The following CHD7 variants were observed in gnomAD, a reference collection of about 807,000 sequenced individuals.
CHD7 encodes the protein chromodomain helicase DNA binding protein 7.
In CHD7, 24 loss-of-function variants were observed where a neutral mutation model predicts 307.3. The observed-to-expected ratio is 0.08, with a 90% CI of 0.06 to 0.11. The LOEUF (loss-of-function observed/expected upper bound fraction) is 0.11. Ranked by LOEUF, CHD7 falls within the 10% of genes least tolerant of loss-of-function variation. CHD7 has a pLI of 1.00. For synonymous variants in CHD7, 1,363 were observed against 1,349.9 expected (o/e 1.01, Z -0.21); for missense variants, 3,106 against 3,727.1 (o/e 0.83, Z 4.34).
At chr8:60,694,244 A>G (rs1248935110) in intron 1 of CHD7, among the ~76,000 whole-genome samples, 3 of 152,242 alleles carry the variant, frequency 2.0e-5, no homozygotes, top group African/African-American at 7.2e-5. Flanking sequence ...ATAAATAAGA[A>G]CCATGAGCAG....
At chr8:60,825,726 T>G (rs1422477965) in intron 13 of CHD7, among the ~76,000 whole-genome samples, 1 of 152,204 alleles carries the variant, frequency 6.6e-6, no homozygotes, top group Admixed American at 6.5e-5. Context: ...CTGAGTTGTG[T>G]TCTATTATTA....
chr8:60,814,776 AAAT>A (rs965601541), intron 7 of CHD7, among the ~76,000 whole-genome samples: 1 of 152,266 alleles, frequency 6.6e-6, no homozygotes, highest in Non-Finnish European at 1.5e-5. Context: ...TGAAAGTAGA[AAAT>A]AAAATACTTG....
At position 60,800,509 on chromosome 8, in the gene CHD7, C is replaced by G; in HGVS notation, c.2360C>G (p.Ser787Cys). The change falls in exon 5 of 38, where the codon TCC (serine) becomes TGC (cysteine). Residue 787 changes from serine to cysteine, a missense_variant. This residue lies in a region of CHD7 where 998 missense variants were observed against 1,004.5 expected (regional missense o/e 0.99). Coordinates refer to ENST00000423902, the MANE Select transcript of CHD7 (RefSeq NM_017780.4). ...GGGAGGGATTCCCCCTCCAACACCT[C>G]CCAGTCAGAACAGCAGGTTAGTACC... Reference protein sequence around the residue: ...AAGRDSPSNTSQSEQQESVDA... With the variant: ...AAGRDSPSNTCQSEQQESVDA... 1 of 1,613,660 alleles carries G rather than the reference C, an allele frequency of 6.2e-7. No homozygotes were observed. The highest frequency in any genetic ancestry group is 8.5e-7 in the Non-Finnish European group (1 of 1,179,724).
intron 1 of CHD7, among the ~76,000 whole-genome samples, chr8:60,737,729 T>G (rs982008704): frequency 2.6e-5 from 4 of 152,246 alleles, no homozygotes; most frequent in African/African-American, 7.2e-5. Flanking sequence ...TAGGTACCGT[T>G]TGCTACATAT....
intron 3 of CHD7, among the ~76,000 whole-genome samples, chr8:60,783,015 CT>C (rs1056490233): frequency 2.6e-5 from 4 of 152,030 alleles, no homozygotes; most frequent in African/African-American, 9.6e-5. Context: ...TCTAAAGAAG[CT>C]TTTTGGAGCT....
At chr8:60,859,195 G>A (rs1288139206) in intron 34 of CHD7, among the ~76,000 whole-genome samples, 1 of 152,026 alleles carries the variant, frequency 6.6e-6, no homozygotes, top group African/African-American at 2.4e-5. Flanking sequence ...GGTGTTGTCG[G>A]GGGTGATGTG....
At position 60,852,261 on chromosome 8, in the gene CHD7, A is replaced by C. The variant is rs1805486501; in HGVS notation, c.5894+14A>C. On this transcript the variant is annotated intron_variant, in intron 29 of 37. Coordinates refer to ENST00000423902, the MANE Select transcript of CHD7 (RefSeq NM_017780.4). ...GAAGCGGCAAAAGTGAGTTTCTTCA[A>C]GGTTTCCACTCAGCTCCCGGTACAT... The C allele has an allele frequency of 1.2e-6, 2 of 1,606,730 alleles. No individual in the cohort carries two copies. Among genetic ancestry groups the C allele is most frequent in the Admixed American group, 1.7e-5 (1 of 59,672 alleles).
At chr8:60,787,607 A>G (rs1266487506) in intron 3 of CHD7, among the ~76,000 whole-genome samples, 3 of 152,108 alleles carry the variant, frequency 2.0e-5, no homozygotes, top group African/African-American at 2.4e-5. Flanking sequence ...CCATTAGAAT[A>G]CTAATTTTTA....
At chr8:60,828,222 C>G (rs1314269587) in intron 13 of CHD7, among the ~76,000 whole-genome samples, 2 of 152,150 alleles carry the variant, frequency 1.3e-5, no homozygotes, top group African/African-American at 4.8e-5. Flanking sequence ...TGTAGAACTT[C>G]TTTTGTCTCT....
intron 6 of CHD7, among the ~76,000 whole-genome samples, chr8:60,803,988 A>T (rs1261993361): frequency 6.6e-6 from 1 of 152,200 alleles, no homozygotes; most frequent in Non-Finnish European, 1.5e-5. Context: ...GTGTTGACCC[A>T]GAGTGGAGAC....
chr8:60,757,341 T>G (rs1417324103), intron 2 of CHD7, among the ~76,000 whole-genome samples: 1 of 152,228 alleles, frequency 6.6e-6, no homozygotes, highest in Non-Finnish European at 1.5e-5. Flanking sequence ...TATTGGACAG[T>G]GCAATTCTAG....
chr8:60,751,169 T>G (rs569447390), intron 2 of CHD7, among the ~76,000 whole-genome samples: 10 of 152,312 alleles, frequency 6.6e-5, no homozygotes, highest in African/African-American at 2.2e-4. Context: ...TTGGATACTT[T>G]TGGTAGTTAA....
At chr8:60,698,869 C>G (rs754462849) in intron 1 of CHD7, among the ~76,000 whole-genome samples, 3 of 152,192 alleles carry the variant, frequency 2.0e-5, no homozygotes, top group African/African-American at 7.2e-5. Flanking sequence ...TCACTGCAAC[C>G]TCTGCCTCCT....
chr8:60,855,931 C>T (rs1407684894), intron 32 of CHD7, 44 bp from the exon 33 acceptor site: 5 of 1,318,712 alleles, frequency 3.8e-6, no homozygotes, highest in South Asian at 1.3e-5. Flanking sequence ...TAATTTTAAC[C>T]AGGGCTTTGT....
chr8:60,838,959 C>A (rs1804854194), intron 19 of CHD7, among the ~76,000 whole-genome samples: 3 of 152,238 alleles, frequency 2.0e-5, no homozygotes, highest in Admixed American at 1.3e-4. Context: ...ATTAACCTGT[C>A]TTTCGTGTAC....
At position 60,861,085 on chromosome 8, in the gene CHD7, T is replaced by A. The variant is rs1490400384; in HGVS notation, c.7790T>A (p.Leu2597Gln). The A allele has an allele frequency of 3.1e-6, 5 of 1,608,722 alleles. No homozygotes were observed. ...KNKDLVEWLK[L>Q]HPTYTVDMPS... ...AAGGATTTAGTTGAATGGCTGAAGC[T>A]GCACCCTACTTACACTGTTGATATG... The change falls in exon 35 of 38, where the codon CTG becomes CAG. Residue 2597 changes from leucine to glutamine, a missense_variant. Transcript: ENST00000423902.
chr8:60,828,612 GA>G, intron 13 of CHD7, 50 bp from the exon 14 acceptor site: 1 of 1,541,068 alleles, frequency 6.5e-7, no homozygotes, highest in Non-Finnish European at 8.8e-7. Context: ...CTGGTTTTAA[GA>G]AAGTGTTTTT....
chr8:60,715,258 G>C (rs1368153185), intron 1 of CHD7, among the ~76,000 whole-genome samples: 1 of 150,888 alleles, frequency 6.6e-6, no homozygotes, highest in Non-Finnish European at 1.5e-5. Flanking sequence ...CTTTCCAGTT[G>C]TATGTATCCC....
rs780102014 is a variant in CHD7, at chr8:60,743,493, C to T, written c.1665+396C>T. ...ACTTGGTTTCTAGCAAAGATTTATG[C>T]GTGTGTGGTAGTCTCCTCCATCTCT... On this transcript the variant is annotated intron_variant, in intron 2 of 37. Transcript: ENST00000423902. Among the ~76,000 whole-genome samples, 57 of 152,138 alleles carry T rather than the reference C, an allele frequency of 3.7e-4. 1 individual carries two copies. The highest frequency in any genetic ancestry group is 3.7e-4 in the Non-Finnish European group (25 of 68,036).
Sources: gnomAD v4.1 joint callset for allele counts (sites outside exome capture counted in the v4.1 genomes callset) on GRCh38, gnomAD v4.1.1 for gene constraint, gnomAD v4.1.1 regional missense constraint, MANE v1.5 for transcripts, NCBI Gene and HGNC (gene_info 2026-07-23, HGNC 2026-07-21) for gene names.